Variants in ARHGEF1 observed in about 807,000 individuals in gnomAD.
The protein encoded by ARHGEF1 is 115 kDa guanine nucleotide exchange factor.
A neutral mutation model predicts 119.7 loss-of-function variants in ARHGEF1; 40 were observed. That is an observed-to-expected ratio of 0.33 (90% confidence interval 0.26 to 0.44). The LOEUF is 0.44. Ranked by LOEUF, ARHGEF1 falls within the 20% of genes least tolerant of loss-of-function variation. The pLI is 1.00. For synonymous variants in ARHGEF1, 494 were observed against 521.0 expected (o/e 0.95, Z 0.71); for missense variants, 976 against 1,268.3 (o/e 0.77, Z 3.50).
At position 41,888,709 on chromosome 19, in the gene ARHGEF1, C is replaced by G. The variant is rs782587099; in HGVS notation, c.112-43C>G. The G allele has an allele frequency of 2.5e-6, 4 of 1,578,134 alleles. No individual in the cohort carries two copies. The highest frequency in any genetic ancestry group is 3.5e-6 in the Non-Finnish European group (4 of 1,148,074). On this transcript the variant is annotated intron_variant, in intron 3 of 28. Transcript: ENST00000354532. This position sits in a 1 kb window ranked among gnomAD's most constrained non-coding sequence, Gnocchi z 5.1. ...ATGGGTAGGGTCAACCCTAAGGCCC[C>G]TCCTCTTCTCCCCATTGTACTCACC... is the stretch of plus-strand genomic sequence containing the variant.
downstream of ARHGEF1, among the ~76,000 whole-genome samples, chr19:41,911,152 G>A (rs2074749298): frequency 6.6e-6 from 1 of 152,016 alleles, no homozygotes; most frequent in Non-Finnish European, 1.5e-5. Context: ...TGACACCCCC[G>A]GCTCACTCAG....
upstream of ARHGEF1, among the ~76,000 whole-genome samples, chr19:41,920,537 CACAG>C (rs1272983937): frequency 2.6e-5 from 4 of 151,950 alleles, no homozygotes; most frequent in South Asian, 2.1e-4. Flanking sequence ...ATGATGCACT[CACAG>C]ACAGGACACG....
At position 41,906,539 on chromosome 19, in the gene ARHGEF1, G is replaced by A; in HGVS notation, c.2574G>A (p.Gly858=). ...CTCGAGATGGGGATGGGGTCCCAGG[G>A]GGCGGCCCCCTGAGCCCAGCACGGA... ...GPPRDGDGVP[G]GGPLSPARTQ... Residue 858 remains glycine (G), a synonymous_variant, in exon 27 of 29, where the codon GGG becomes GGA. Coordinates refer to ENST00000354532, the MANE Select transcript of ARHGEF1 (RefSeq NM_004706.4). The surrounding 1 kb of genome is among the most constrained non-coding windows in gnomAD (Gnocchi z 4.5). 1 of 1,583,856 alleles carries A rather than the reference G, an allele frequency of 6.3e-7. No individual in the cohort carries two copies. The highest frequency in any genetic ancestry group is 1.2e-5 in the South Asian group (1 of 86,342).
Position 41,888,208 on chromosome 19 carries a change from C to A in ARHGEF1, c.41C>A (p.Ser14Tyr), listed in dbSNP as rs1555845557. The A allele has an allele frequency of 1.2e-6, 2 of 1,614,132 alleles. No individual in the cohort carries two copies. The highest frequency in any genetic ancestry group is 3.3e-5 in the Admixed American group (2 of 60,016). The change falls in exon 3 of 29, where the codon TCC (serine) becomes TAC (tyrosine). Residue 14 changes from serine (S) to tyrosine (Y), a missense_variant. Ser to Tyr is a moderately radical substitution (Grantham distance 144, BLOSUM62 -2). Coordinates refer to ENST00000354532, the MANE Select transcript of ARHGEF1 (RefSeq NM_004706.4). The surrounding 1 kb of genome is among the most constrained non-coding windows in gnomAD (Gnocchi z 5.1). ...TTTCCACAGGCCTCCCCAGGCCCCT[C>A]CCGGCCTGGCCTGGTTCCCGTCAGC... The part of the protein sequence containing the change: ...FARGAASPGP[S>Y]RPGLVPVSII...
chr19:41,898,369 A>T (rs1009532925), intron 13 of ARHGEF1, 73 bp from the exon 14 acceptor site: 13 of 1,546,972 alleles, frequency 8.4e-6, no homozygotes, highest in Non-Finnish European at 1.1e-5. Context: ...ACCGGGGTTG[A>T]ACGCTCTAAG....
At chr19:41,899,732 C>T (rs1002025785) in intron 14 of ARHGEF1, among the ~76,000 whole-genome samples, 4 of 151,980 alleles carry the variant, frequency 2.6e-5, no homozygotes, top group Admixed American at 6.5e-5. Context: ...TGGTCTCGAA[C>T]GCCCGCCTCA....
Position 41,902,405 on chromosome 19 carries a change from A to G in ARHGEF1, c.1497+49A>G, listed in dbSNP as rs2074618838. ...CCTCCCAGCTAGACACATGGAATTC[A>G]GGCCCGGGACGGGTCCTGAGCCCAC... is the stretch of plus-strand genomic sequence containing the variant. On this transcript the variant is annotated intron_variant, in intron 16 of 28. Coordinates refer to ENST00000354532, the MANE Select transcript of ARHGEF1 (RefSeq NM_004706.4). This position sits in a 1 kb window ranked among gnomAD's most constrained non-coding sequence, Gnocchi z 6.5. 4 of 1,612,766 alleles carry G rather than the reference A, an allele frequency of 2.5e-6. No homozygotes were observed. The highest frequency in any genetic ancestry group is 3.4e-6 in the Non-Finnish European group (4 of 1,179,334).
At chr19:41,898,371 C>T (rs368561602) in intron 13 of ARHGEF1, 71 bp from the exon 14 acceptor site, 26 of 1,546,892 alleles carry the variant, frequency 1.7e-5, no homozygotes, top group Admixed American at 2.0e-5. Flanking sequence ...CGGGGTTGAA[C>T]GCTCTAAGAG....
At position 41,896,329 on chromosome 19, in the gene ARHGEF1, C is replaced by T. The variant is rs200462152; in HGVS notation, c.1016-48C>T. On this transcript the variant is annotated intron_variant, in intron 12 of 28. Transcript: ENST00000354532. ...TTCCAGGCCCCCAGAGTGTGGGTCT[C>T]GTGGCCGCAGAGGCCTTCCAGCCAG... 10,243 of 1,085,446 alleles carry T rather than the reference C, an allele frequency of 9.4e-3. 85 individuals carry two copies. The highest frequency in any genetic ancestry group is 0.01 in the Non-Finnish European group (8,605 of 822,496). 67.2% of individuals were successfully genotyped at this position (1,085,446 alleles called of 1,614,324 possible). A position where few individuals can be genotyped will look rare whatever the true frequency, so the allele number is the denominator to read the frequency against.
Position 41,904,509 on chromosome 19 carries a change from T to G in ARHGEF1, c.2161+126T>G. The G allele has an allele frequency of 8.4e-7, 1 of 1,196,860 alleles. No homozygotes were observed. The highest frequency in any genetic ancestry group is 1.6e-5 in the South Asian group (1 of 63,092). 74.1% of individuals were successfully genotyped at this position (1,196,860 alleles called of 1,614,324 possible). A position where few individuals can be genotyped will look rare whatever the true frequency, so the allele number is the denominator to read the frequency against. On this transcript the variant is annotated intron_variant, in intron 22 of 28. Transcript: ENST00000354532. This position sits in a 1 kb window ranked among gnomAD's most constrained non-coding sequence, Gnocchi z 8.4. ...GCATTCTAGCAAAGAGGTTGAGAAG[T>G]AGGTGGAGGTGGGCAGGGCGGGGCC...
Position 41,892,641 on chromosome 19 carries a change from C to T in ARHGEF1, c.406C>T (p.Arg136Trp), listed in dbSNP as rs782379982. The T allele has an allele frequency of 1.7e-5, 27 of 1,611,680 alleles. No homozygotes were observed. The highest frequency in any genetic ancestry group is 4.0e-5 in the African/African-American group (3 of 74,922). ...TGACCTCATCTCCGAGGATGTCCAG[C>T]GGCGGTTCGTGCAGGAGGTGGTGCA... ...RADLISEDVQ[R>W]RFVQEVVQSQ... is the part of the protein sequence containing the mutation. The change falls in exon 7 of 29, where the codon CGG (arginine) becomes TGG (tryptophan). Residue 136 changes from arginine to tryptophan, a missense_variant. Arg to Trp is a moderately radical substitution (Grantham distance 101). Coordinates refer to ENST00000354532, the MANE Select transcript of ARHGEF1 (RefSeq NM_004706.4). The surrounding 1 kb of genome is among the most constrained non-coding windows in gnomAD (Gnocchi z 6.3).
At chr19:41,894,959 T>TG in intron 11 of ARHGEF1, among the ~76,000 whole-genome samples, 1 of 93,608 alleles carries the variant, frequency 1.1e-5, no homozygotes, top group Non-Finnish European at 1.7e-5. Context: ...GAGGGAGGCC[T>TG]GGGGCCTGGA....
downstream of ARHGEF1, among the ~76,000 whole-genome samples, chr19:41,909,687 T>C (rs2074741570): frequency 6.6e-6 from 1 of 152,096 alleles, no homozygotes; most frequent in Non-Finnish European, 1.5e-5. The surrounding 1 kb of genome is among the most constrained non-coding windows in gnomAD (Gnocchi z 5.2). Context: ...AGCCCAGGTT[T>C]AGGGGTCCCT....
rs145590918 is a variant in ARHGEF1 at position 41,894,225 on chromosome 19, C to T, written c.663C>T (p.Ala221=). 5.8e-5 allele frequency: 90 copies of T among 1,545,956 alleles called. No homozygotes were observed. In the African/African-American group the frequency reaches 1.1e-3, roughly 20 times the overall value. ...CCTACAGTGCTGCCGTGGTCAACGC[C>T]ATTGGCCTGTACATGCGCCACCTTG... is the stretch of plus-strand genomic sequence containing the variant. ...DEEKSAAVVN[A]IGLYMRHLGV... The change falls in exon 9 of 29, where the codon GCC becomes GCT. Residue 221 remains alanine, a synonymous_variant. Coordinates refer to ENST00000354532, the MANE Select transcript of ARHGEF1 (RefSeq NM_004706.4).
chr19:41,897,218 C>A lies in ARHGEF1; in HGVS notation c.1121+736C>A, dbSNP rs1555847994. 2.5e-6 allele frequency: 3 copies of A among 1,218,906 alleles called. No homozygotes were observed. The South Asian group carries it at 3.8e-5, about 15-fold the overall frequency. 75.5% of individuals were successfully genotyped at this position (1,218,906 alleles called of 1,614,324 possible). On this transcript the variant is annotated intron_variant, in intron 13 of 28. Transcript: ENST00000354532. ...GGGGCAGGCTCTGCCTCCTGCCCGT[C>A]CTTGTGCCGCTGCTTTGGGGACCCT...
At chr19:41,890,989 C>T (rs548234144) in intron 4 of ARHGEF1, among the ~76,000 whole-genome samples, 17 of 152,254 alleles carry the variant, frequency 1.1e-4, no homozygotes, top group Non-Finnish European at 2.4e-4. Flanking sequence ...TGAGAGCCCC[C>T]AGGAGCCAGG....
chr19:41,926,728 C>CG (rs1245665402), intron 1 of ARHGEF1, among the ~76,000 whole-genome samples: 3 of 146,016 alleles, frequency 2.1e-5, no homozygotes, highest in Non-Finnish European at 3.0e-5. Context: ...GGGGAGCGGG[C>CG]GGGGGGGCCG....
chr19:41,894,131 T>TGTGA, intron 8 of ARHGEF1, 76 bp from the exon 9 acceptor site: 3 of 663,502 alleles, frequency 4.5e-6, no homozygotes, highest in African/African-American at 2.4e-5. Context: ...AGAGTGTGTG[T>TGTGA]GTGAGTGTGT....
rs542363730 is a variant in ARHGEF1, at chr19:41,907,189, G to A, written c.*102G>A. 7.0e-5 allele frequency: 106 copies of A among 1,522,446 alleles called. No individual in the cohort carries two copies. The highest frequency in any genetic ancestry group is 5.6e-4 in the South Asian group (46 of 81,930). The allele number at this position is 1,522,446 out of a possible 1,614,324, so 94.3% of individuals were successfully genotyped here. On this transcript the variant is annotated 3_prime_UTR_variant, in exon 29 of 29. Transcript: ENST00000354532. Reference sequence around the variant, plus strand: ...CAGCTGCCGCAGCATCTCACACCCCGAGGGCCTGAGGAGAGGGAGCTGTGG... The same window carrying A: ...CAGCTGCCGCAGCATCTCACACCCCAAGGGCCTGAGGAGAGGGAGCTGTGG...
Sources: gnomAD v4.1 joint callset for allele counts (sites outside exome capture counted in the v4.1 genomes callset) on GRCh38, gnomAD v4.1.1 for gene constraint, Gnocchi (gnomAD v3.1) non-coding constraint, MANE v1.5 for transcripts, NCBI Gene and HGNC (gene_info 2026-07-23, HGNC 2026-07-21) for gene names.